BBX: variants seen among roughly 807,000 people sequenced by gnomAD.
BBX encodes HMG box transcription factor BBX.
A neutral mutation model predicts 100.2 loss-of-function variants in BBX; 30 were observed. The observed-to-expected ratio is 0.30, with a 90% confidence interval of 0.22 to 0.41. BBX has a LOEUF of 0.41. Ranked by LOEUF, BBX falls within the 10% of genes least tolerant of loss-of-function variation. The pLI is 1.00. For synonymous variants in BBX, 376 were observed against 388.1 expected, an observed-to-expected ratio of 0.97 and a Z score of 0.37; for missense variants, 1,023 against 1,129.8, an observed-to-expected ratio of 0.91 and a Z score of 1.35.
chr3:107,539,633 TCCTTGATATGTATA>T (rs1295930361), intron 2 of BBX, among the ~76,000 whole-genome samples: 1 of 152,226 alleles, frequency 6.6e-6, no homozygotes, highest in Non-Finnish European at 1.5e-5. Flanking sequence ...GAGCATGTGT[TCCTTGATATGTATA>T]CATTTCTTTA....
At chr3:107,664,009 G>A (rs2107876042) in intron 3 of BBX, among the ~76,000 whole-genome samples, 1 of 152,170 alleles carries the variant, frequency 6.6e-6, no homozygotes. Context: ...GTTTCACCGT[G>A]TTAGCCAGGA....
At chr3:107,633,792 T>C (rs993007897) in intron 2 of BBX, among the ~76,000 whole-genome samples, 1 of 152,254 alleles carries the variant, frequency 6.6e-6, no homozygotes, top group Non-Finnish European at 1.5e-5. Context: ...TACAAAATTA[T>C]GTCTGATGTC....
intron 9 of BBX, among the ~76,000 whole-genome samples, chr3:107,749,311 C>T (rs2064876717): frequency 6.6e-6 from 1 of 152,038 alleles, no homozygotes. Context: ...TGTTGATGCC[C>T]ATTGATTCTT....
intron 2 of BBX, among the ~76,000 whole-genome samples, chr3:107,586,040 ATTG>A (rs1303927046): frequency 1.3e-5 from 2 of 152,140 alleles, no homozygotes; most frequent in African/African-American, 4.8e-5. Context: ...ATATAACTGT[ATTG>A]TTAAATATTT....
At chr3:107,563,208 G>A (rs1025803827) in intron 2 of BBX, among the ~76,000 whole-genome samples, 51 of 152,114 alleles carry the variant, frequency 3.4e-4, no homozygotes, top group Non-Finnish European at 5.9e-5. Context: ...CCCAGTCAGG[G>A]CCTGATTGTT....
At chr3:107,779,499 G>A (rs1050656406) in intron 13 of BBX, among the ~76,000 whole-genome samples, 8 of 152,092 alleles carry the variant, frequency 5.3e-5, no homozygotes, top group African/African-American at 1.7e-4. Context: ...TGGCTGGGCT[G>A]TAGTTGCTTT....
chr3:107,728,075 T>G (rs2063083595), intron 5 of BBX, among the ~76,000 whole-genome samples: 1 of 152,114 alleles, frequency 6.6e-6, no homozygotes, highest in Non-Finnish European at 1.5e-5. Context: ...CAGTGAAGGT[T>G]GAAACCTCCA....
chr3:107,715,299 C>T (rs2062021730), intron 4 of BBX, among the ~76,000 whole-genome samples: 1 of 152,164 alleles, frequency 6.6e-6, no homozygotes, highest in Non-Finnish European at 1.5e-5. Context: ...GAATTGGAAA[C>T]TCTGGGAATG....
At chr3:107,559,672 TA>T in intron 2 of BBX, among the ~76,000 whole-genome samples, 1 of 152,182 alleles carries the variant, frequency 6.6e-6, no homozygotes, top group Non-Finnish European at 1.5e-5. Flanking sequence ...CATTGAAAGC[TA>T]AAAGGGCTGA....
intron 3 of BBX, among the ~76,000 whole-genome samples, chr3:107,690,850 T>C (rs560573333): frequency 6.7e-6 from 1 of 149,624 alleles, no homozygotes; most frequent in Non-Finnish European, 1.5e-5. Context: ...TTCAGTCATA[T>C]TAAAACCAGT....
chr3:107,789,745 CATT>C, intron 13 of BBX, 39 bp from the exon 14 acceptor site: 1 of 1,290,488 alleles, frequency 7.7e-7, no homozygotes, highest in South Asian at 1.6e-5. Context: ...TTTTATGAAA[CATT>C]GTGAATTTAA....
intron 7 of BBX, 59 bp from the exon 8 acceptor site, chr3:107,744,571 A>G: frequency 7.7e-7 from 1 of 1,304,456 alleles, no homozygotes; most frequent in East Asian, 2.3e-5. Flanking sequence ...AGAGCATTAA[A>G]TGTTTACCTA....
chr3:107,771,329 A>G (rs1019191805), intron 10 of BBX, among the ~76,000 whole-genome samples: 1 of 152,294 alleles, frequency 6.6e-6, no homozygotes, highest in Non-Finnish European at 1.5e-5. Flanking sequence ...ATAGCTCTAT[A>G]TTAAAGTTTC....
At chr3:107,743,040 A>G (rs188489706) in intron 7 of BBX, among the ~76,000 whole-genome samples, 3 of 152,312 alleles carry the variant, frequency 2.0e-5, no homozygotes, top group Admixed American at 2.0e-4. Context: ...CATGTATGTC[A>G]TATAGACTTT....
chr3:107,750,598 C>T (rs190844119), intron 9 of BBX, among the ~76,000 whole-genome samples: 14 of 152,276 alleles, frequency 9.2e-5, no homozygotes, highest in Non-Finnish European at 1.9e-4. Context: ...TAACCTCTCT[C>T]GTCACTTTCC....
At chr3:107,689,772 C>A (rs564241752) in intron 3 of BBX, among the ~76,000 whole-genome samples, 1 of 152,144 alleles carries the variant, frequency 6.6e-6, no homozygotes. Context: ...AATGGAATTA[C>A]TTTTCCTCCC....
chr3:107,565,899 C>T (rs371006948), intron 2 of BBX, among the ~76,000 whole-genome samples: 56 of 151,616 alleles, frequency 3.7e-4, no homozygotes, highest in Admixed American at 1.1e-3. Flanking sequence ...TTGGGCTGGG[C>T]GCCGTGGCTC....
At chr3:107,571,227 G>T (rs1313579893) in intron 2 of BBX, among the ~76,000 whole-genome samples, 3 of 152,104 alleles carry the variant, frequency 2.0e-5, no homozygotes, top group African/African-American at 7.2e-5. Flanking sequence ...GGGACGCAAT[G>T]TGGGTGAGCA....
intron 2 of BBX, among the ~76,000 whole-genome samples, chr3:107,565,844 T>C (rs535940086): frequency 1.1e-3 from 169 of 152,140 alleles, no homozygotes; most frequent in Middle Eastern, 3.4e-3. Flanking sequence ...TCTTTTCTTT[T>C]CTTAGCTAAG....
Sources: allele counts gnomAD v4.1 joint callset (sites outside exome capture counted in the v4.1 genomes callset), GRCh38; gene constraint gnomAD v4.1.1; transcripts MANE v1.5; gene names NCBI Gene and HGNC (gene_info 2026-07-23, HGNC 2026-07-21).